Variants in CSMD1 observed in about 807,000 individuals in gnomAD.
CSMD1 encodes the protein CUB and sushi domain-containing protein 1.
In CSMD1, 213 loss-of-function variants were observed where a neutral mutation model predicts 417.5. That is an observed-to-expected ratio of 0.51 (90% CI 0.46 to 0.57). The LOEUF is 0.57. CSMD1 is among the 20% of genes least tolerant of loss of function. The pLI is 0.00. For missense variants in CSMD1, 6,923 were observed against 4,529.7 expected, an observed-to-expected ratio of 1.53 and a Z score of -15.17; for synonymous variants, 2,862 against 1,736.8, an observed-to-expected ratio of 1.65 and a Z score of -16.11.
intron 2 of CSMD1, among the ~76,000 whole-genome samples, chr8:4,457,377 C>T (rs1027843877): frequency 6.6e-6 from 1 of 151,946 alleles, no homozygotes; most frequent in Non-Finnish European, 1.5e-5. Context: ...TTGGGGCTTC[C>T]CGAGGTCTGG....
In CSMD1 at chr8:3,111,344, C is replaced by A. The variant is rs147682691; in HGVS notation, c.6431-1009G>T. 7.3e-3 allele frequency among the ~76,000 whole-genome samples: 1,058 copies of A among 144,496 alleles called. 11 individuals carry two copies. The highest frequency in any genetic ancestry group is 0.024 in the African/African-American group (983 of 41,142). The allele number at this position is 144,496 out of a possible 152,430, so 94.8% of individuals were successfully genotyped here. On this transcript the variant is annotated intron_variant, in intron 42 of 69. Transcript: ENST00000635120. Reference sequence around the variant, plus strand: ...ATTGAACCTGGCTGGAGATTTGGATCTTTTCATCAGAAGAAGGGACTGTAT... The same window carrying A: ...ATTGAACCTGGCTGGAGATTTGGATATTTTCATCAGAAGAAGGGACTGTAT...
At chr8:4,518,443 T>G (rs1803242469) in intron 2 of CSMD1, among the ~76,000 whole-genome samples, 1 of 152,064 alleles carries the variant, frequency 6.6e-6, no homozygotes, top group African/African-American at 2.4e-5. Context: ...ATATAAGACA[T>G]AAACGTGATA....
intron 3 of CSMD1, among the ~76,000 whole-genome samples, chr8:4,075,427 A>C (rs139711779): frequency 1.3e-5 from 2 of 152,160 alleles, no homozygotes; most frequent in African/African-American, 4.8e-5. Flanking sequence ...AATAAATTTT[A>C]TATCTGCTAA....
intron 8 of CSMD1, among the ~76,000 whole-genome samples, chr8:3,595,249 G>T (rs1801037167): frequency 6.6e-6 from 1 of 152,198 alleles, no homozygotes; most frequent in African/African-American, 2.4e-5. Context: ...CCAGCCACAT[G>T]CTAGGGAAAC....
chr8:2,936,400 T>C lies in CSMD1; in HGVS notation c.*2185A>G, dbSNP rs1801488745. 1 of 151,420 alleles carries C rather than the reference T, an allele frequency of 6.6e-6. No homozygotes were observed. The highest frequency in any genetic ancestry group is 1.5e-5 in the Non-Finnish European group (1 of 67,924). 9.4% of individuals were successfully genotyped at this position (151,420 alleles called of 1,614,324 possible). On this transcript the variant is annotated 3_prime_UTR_variant, in exon 70 of 70. Transcript: ENST00000635120. ...ATATATATATATATGTATGTATATA[T>C]ATACACTAATATGTATAGTAACCCT...
At chr8:4,109,373 G>A (rs79732120) in intron 3 of CSMD1, among the ~76,000 whole-genome samples, 2 of 151,916 alleles carry the variant, frequency 1.3e-5, no homozygotes, top group Non-Finnish European at 2.9e-5. Flanking sequence ...AGATTTACTG[G>A]GCATATAATA....
chr8:3,113,385 A>T (rs920029321), intron 42 of CSMD1: 1 of 152,274 alleles, frequency 6.6e-6, no homozygotes, highest in Non-Finnish European at 1.5e-5. Flanking sequence ...CACGTGGGAG[A>T]GAGCGTTGCT....
chr8:3,226,662 G>C (rs1210797007), intron 27 of CSMD1, among the ~76,000 whole-genome samples: 1 of 150,704 alleles, frequency 6.6e-6, no homozygotes, highest in Non-Finnish European at 1.5e-5. Context: ...AAGCTAAACA[G>C]AGGAGGCTTC....
chr8:3,525,767 A>G (rs1797728502), intron 10 of CSMD1, among the ~76,000 whole-genome samples: 1 of 152,186 alleles, frequency 6.6e-6, no homozygotes, highest in East Asian at 1.9e-4. Context: ...TGGGAACATC[A>G]CGTTGTAAGA....
chr8:4,562,445 A>T (rs1040057683), intron 2 of CSMD1, among the ~76,000 whole-genome samples: 1 of 152,228 alleles, frequency 6.6e-6, no homozygotes, highest in African/African-American at 2.4e-5. Flanking sequence ...TGAAGTTATA[A>T]TTCAACTCAA....
chr8:3,295,467 GA>G (rs1382969342), intron 25 of CSMD1, among the ~76,000 whole-genome samples: 1 of 151,884 alleles, frequency 6.6e-6, no homozygotes, highest in Non-Finnish European at 1.5e-5. Context: ...CCGTTATACT[GA>G]AAAAAAGGTA....
intron 26 of CSMD1, among the ~76,000 whole-genome samples, chr8:3,244,600 C>G (rs1428760463): frequency 6.6e-6 from 1 of 152,194 alleles, no homozygotes; most frequent in African/African-American, 2.4e-5. Flanking sequence ...CATAGACACA[C>G]GTTGAACCCA....
intron 12 of CSMD1, among the ~76,000 whole-genome samples, chr8:3,441,228 A>T (rs1038333117): frequency 1.3e-5 from 2 of 151,976 alleles, no homozygotes; most frequent in African/African-American, 4.8e-5. Context: ...CTTTGCTGAC[A>T]CCTTGATTTT....
rs958726693 is a variant in CSMD1, at chr8:4,253,220, C to T, written c.415+166733G>A. ...ACGATCCCGCCCCATTCCTAGTTATCATTCATGGCCCAGATAAAATGACAT... is the reference window on the plus strand; with the variant it reads ...ACGATCCCGCCCCATTCCTAGTTATTATTCATGGCCCAGATAAAATGACAT... On this transcript the variant is annotated intron_variant, in intron 3 of 69. Transcript: ENST00000635120. 1.2e-4 allele frequency among the ~76,000 whole-genome samples: 18 copies of T among 152,274 alleles called. No individual in the cohort carries two copies. The East Asian group carries it at 2.5e-3, about 21-fold the overall frequency.
chr8:3,617,470 T>A (rs1216711394), intron 7 of CSMD1, among the ~76,000 whole-genome samples: 2 of 151,706 alleles, frequency 1.3e-5, no homozygotes, highest in African/African-American at 2.4e-5. Context: ...AACACATTTC[T>A]TTTTTTTTCT....
intron 26 of CSMD1, among the ~76,000 whole-genome samples, chr8:3,241,004 T>C (rs1799461566): frequency 6.7e-6 from 1 of 149,888 alleles, no homozygotes; most frequent in Admixed American, 6.7e-5. Context: ...AATGAGATGA[T>C]AAGGGGTGCA....
intron 5 of CSMD1, among the ~76,000 whole-genome samples, chr8:3,780,296 G>T (rs1173572777): frequency 6.6e-6 from 1 of 152,176 alleles, no homozygotes; most frequent in Non-Finnish European, 1.5e-5. Flanking sequence ...CAATTAGTTC[G>T]TATTCCGCAA....
At chr8:4,085,278 A>G (rs546320765) in intron 3 of CSMD1, among the ~76,000 whole-genome samples, 5 of 152,320 alleles carry the variant, frequency 3.3e-5, no homozygotes, top group African/African-American at 9.6e-5. Context: ...TGTGCATAGA[A>G]TAAGAACATC....
chr8:4,396,011 C>T (rs1358133631), intron 3 of CSMD1, among the ~76,000 whole-genome samples: 1 of 152,110 alleles, frequency 6.6e-6, no homozygotes, highest in African/African-American at 2.4e-5. Flanking sequence ...GTTTTATAAT[C>T]ATTTTGTTCT....
Sources: allele counts gnomAD v4.1 joint callset (sites outside exome capture counted in the v4.1 genomes callset), GRCh38; gene constraint gnomAD v4.1.1; transcripts MANE v1.5; gene names NCBI Gene and HGNC (gene_info 2026-07-23, HGNC 2026-07-21).